PDZRN3: variants seen among roughly 807,000 people sequenced by gnomAD.
The protein encoded by PDZRN3 is PDZ domain containing ring finger 3, also known as E3 ubiquitin-protein ligase PDZRN3.
PDZRN3 carries 38 observed loss-of-function variants against 85.7 expected under a neutral mutation model. That is an observed-to-expected ratio of 0.44 (90% CI 0.34 to 0.58). The LOEUF (loss-of-function observed/expected upper bound fraction) is 0.58, where lower values mean the gene tolerates loss of function less well. Among genes scored for constraint, PDZRN3 ranks in the 20% least tolerant of loss-of-function variants. The probability of loss-of-function intolerance (pLI) is 0.01; values close to 1 mark genes in which losing one functional copy is unlikely to be tolerated. For synonymous variants in PDZRN3, 759 were observed against 638.0 expected (o/e 1.19, Z -2.86); for missense variants, 1,629 against 1,506.4 (o/e 1.08, Z -1.35).
Position 73,465,136 on chromosome 3 carries a change from C to G in PDZRN3, c.919-60741G>C, listed in dbSNP as rs538161062. 3.9e-5 allele frequency among the ~76,000 whole-genome samples: 6 copies of G among 152,300 alleles called. 1 individual carries two copies. The highest frequency in any genetic ancestry group is 1.3e-4 in the Admixed American group (2 of 15,304). Reference sequence around the variant, plus strand: ...TGTTGGAATAGGGTATGCACCATCTCTTTCCCATGCTAAATGAAAGCACTC... The same window carrying G: ...TGTTGGAATAGGGTATGCACCATCTGTTTCCCATGCTAAATGAAAGCACTC... On this transcript the variant is annotated intron_variant, in intron 3 of 9. Transcript: ENST00000263666.
chr3:73,391,196 A>G (rs1310295207), intron 5 of PDZRN3, 80 bp from the exon 6 acceptor site: 2 of 871,884 alleles, frequency 2.3e-6, no homozygotes, highest in Admixed American at 3.7e-5. Flanking sequence ...TAAAAATATT[A>G]TCTTCAAATG....
At chr3:73,514,374 A>G (rs1704220684) in intron 3 of PDZRN3, among the ~76,000 whole-genome samples, 1 of 152,184 alleles carries the variant, frequency 6.6e-6, no homozygotes, top group Admixed American at 6.5e-5. Context: ...TGTAACAATA[A>G]AATACAGTTC....
intron 7 of PDZRN3, 39 bp from the exon 8 acceptor site, chr3:73,388,108 C>A (rs768986783): frequency 1.4e-5 from 14 of 967,776 alleles, no homozygotes; most frequent in African/African-American, 1.6e-5. Flanking sequence ...AGTGGGGAGA[C>A]AAATAGCATG....
intron 3 of PDZRN3, among the ~76,000 whole-genome samples, chr3:73,442,886 C>G (rs1272296473): frequency 6.6e-6 from 1 of 152,156 alleles, no homozygotes; most frequent in Non-Finnish European, 1.5e-5. Context: ...ACTAAGGTGC[C>G]TAGGTCCCTG....
chr3:73,504,334 C>T (rs766437328), intron 3 of PDZRN3, among the ~76,000 whole-genome samples: 6 of 152,118 alleles, frequency 3.9e-5, no homozygotes, highest in Admixed American at 1.3e-4. Flanking sequence ...CACATAAAGG[C>T]GCCATTCAGG....
chr3:73,481,742 T>C (rs1261047682), intron 3 of PDZRN3, among the ~76,000 whole-genome samples: 1 of 152,226 alleles, frequency 6.6e-6, no homozygotes, highest in Non-Finnish European at 1.5e-5. Context: ...AATGGAAATG[T>C]TCAAATTTAT....
chr3:73,573,638 A>G lies in PDZRN3; in HGVS notation c.918+28716T>C, dbSNP rs189969205. On this transcript the variant is annotated intron_variant, in intron 3 of 9. Transcript: ENST00000263666. ...GGCTCTTTACAGGAAAAGTTTGCCA[A>G]CGCCCGTTCTATGGTAATACCTCAG... is the stretch of plus-strand genomic sequence containing the variant. 2.6e-5 allele frequency among the ~76,000 whole-genome samples: 4 copies of G among 152,208 alleles called. No homozygotes were observed. The East Asian group carries it at 5.8e-4, about 22-fold the overall frequency.
At chr3:73,389,975 C>A in intron 6 of PDZRN3, 97 bp from the exon 7 acceptor site, 3 of 879,090 alleles carry the variant, frequency 3.4e-6, no homozygotes, top group Non-Finnish European at 5.8e-6. Flanking sequence ...GTCATGCTCA[C>A]CCCTGTGTTT....
intron 3 of PDZRN3, among the ~76,000 whole-genome samples, chr3:73,439,886 G>A (rs1702599820): frequency 6.6e-6 from 1 of 151,702 alleles, no homozygotes; most frequent in Middle Eastern, 3.2e-3. Context: ...CTACAGGCAT[G>A]CACCACCACA....
At chr3:73,474,291 C>CTTG (rs533235131) in intron 3 of PDZRN3, among the ~76,000 whole-genome samples, 76 of 152,332 alleles carry the variant, frequency 5.0e-4, no homozygotes, top group African/African-American at 1.8e-3. Flanking sequence ...ATTCCCAGTG[C>CTTG]TTGGCAGGTG....
intron 3 of PDZRN3, among the ~76,000 whole-genome samples, chr3:73,532,417 A>G (rs1418329907): frequency 1.3e-5 from 2 of 152,244 alleles, no homozygotes; most frequent in African/African-American, 2.4e-5. Context: ...CACCTGAATA[A>G]TAATTTCCAT....
intron 6 of PDZRN3, 26 bp downstream of exon 6, chr3:73,390,992 T>G: frequency 6.6e-7 from 1 of 1,512,292 alleles, no homozygotes. Context: ...ATACGATAGT[T>G]AGAAAAACAA....
intron 3 of PDZRN3, among the ~76,000 whole-genome samples, chr3:73,574,452 T>TGGGGGGGG (rs776864460): frequency 5.5e-4 from 13 of 23,610 alleles, no homozygotes; most frequent in South Asian, 1.5e-3. Context: ...TTTTTTTGGC[T>TGGGGGGGG]GGGGTGGGGG....
At chr3:73,525,421 CTTCT>C (rs778130596) in intron 3 of PDZRN3, among the ~76,000 whole-genome samples, 2 of 152,166 alleles carry the variant, frequency 1.3e-5, no homozygotes, top group African/African-American at 2.4e-5. Flanking sequence ...CTTCTCCTTC[CTTCT>C]GTTTTCCCAC....
At chr3:73,563,013 A>ATATATATATATATT (rs1187151191) in intron 3 of PDZRN3, among the ~76,000 whole-genome samples, 6 of 43,760 alleles carry the variant, frequency 1.4e-4, no homozygotes, top group East Asian at 1.0e-3. Flanking sequence ...ATATATATAT[A>ATATATATATATATT]TTTTTTTTTT....
intron 3 of PDZRN3, among the ~76,000 whole-genome samples, chr3:73,478,455 G>A (rs1703499873): frequency 6.6e-6 from 1 of 152,014 alleles, no homozygotes; most frequent in Admixed American, 6.6e-5. Flanking sequence ...ATCACCCCCA[G>A]ATGAGACCAT....
Position 73,383,817 on chromosome 3 carries a change from G to C in PDZRN3, c.2749C>G (p.Pro917Ala). 1 of 1,613,538 alleles carries C rather than the reference G, an allele frequency of 6.2e-7. No individual in the cohort carries two copies. Among genetic ancestry groups the C allele is most frequent in the South Asian group, 1.1e-5 (1 of 91,086 alleles). The change falls in exon 10 of 10, where the codon CCG (proline) becomes GCG (alanine). Residue 917 changes from proline (P) to alanine (A), a missense_variant. By Grantham distance (27) the Pro-to-Ala change is conservative. Coordinates refer to ENST00000263666, the MANE Select transcript of PDZRN3 (RefSeq NM_015009.3). Reference sequence around the variant, plus strand: ...ATCTTCACCTTCCACTCCATGCGCGGCTCCGACGGGGTGGGAGAGCTCAGG... The same window carrying C: ...ATCTTCACCTTCCACTCCATGCGCGCCTCCGACGGGGTGGGAGAGCTCAGG... ...KDLSSPTPSE[P>A]RMEWKVKIRS...
At chr3:73,532,103 C>A (rs1216987682) in intron 3 of PDZRN3, among the ~76,000 whole-genome samples, 1 of 152,166 alleles carries the variant, frequency 6.6e-6, no homozygotes, top group African/African-American at 2.4e-5. Flanking sequence ...CAGGTTCACG[C>A]CATTCTCCTG....
At chr3:73,403,996 C>T (rs754147897) in intron 4 of PDZRN3, 152 bp downstream of exon 4, 28 of 661,566 alleles carry the variant, frequency 4.2e-5, no homozygotes, top group Non-Finnish European at 5.8e-5. Flanking sequence ...GAGCAGGATT[C>T]GATTTATTGC....
Sources: gnomAD v4.1 joint callset for allele counts (sites outside exome capture counted in the v4.1 genomes callset) on GRCh38, gnomAD v4.1.1 for gene constraint, MANE v1.5 for transcripts, NCBI Gene and HGNC (gene_info 2026-07-23, HGNC 2026-07-21) for gene names.